The following FOXP2 variants were observed in gnomAD, a reference collection of about 807,000 sequenced individuals.
FOXP2 encodes the protein forkhead box P2, also known as forkhead box protein P2.
A neutral mutation model predicts 115.8 loss-of-function variants in FOXP2; 12 were observed. That is an observed-to-expected ratio of 0.10 (90% CI 0.07 to 0.17). The LOEUF (loss-of-function observed/expected upper bound fraction) is 0.17, where lower values mean the gene tolerates loss of function less well. Ranked by LOEUF, FOXP2 falls within the 10% of genes least tolerant of loss-of-function variation. FOXP2 has a pLI of 1.00. For missense variants in FOXP2, 629 were observed against 843.5 expected, an observed-to-expected ratio of 0.75 and a Z score of 3.15; for synonymous variants, 328 against 297.7, an observed-to-expected ratio of 1.10 and a Z score of -1.05.
intron 16 of FOXP2, among the ~76,000 whole-genome samples, chr7:114,680,370 G>A (rs1253029096): frequency 6.6e-6 from 1 of 152,092 alleles, no homozygotes; most frequent in East Asian, 1.9e-4. Context: ...TTCATTATTT[G>A]CCAAATGGGT....
chr7:114,477,494 C>T (rs935968190), intron 2 of FOXP2, among the ~76,000 whole-genome samples: 2 of 151,728 alleles, frequency 1.3e-5, no homozygotes, highest in Non-Finnish European at 2.9e-5. Flanking sequence ...ACTACTAGAG[C>T]GAGAAGGGAG....
intron 1 of FOXP2, among the ~76,000 whole-genome samples, chr7:114,165,052 G>C (rs192835581): frequency 6.6e-6 from 1 of 152,080 alleles, no homozygotes; most frequent in Non-Finnish European, 1.5e-5. Flanking sequence ...AACAAAATTG[G>C]AATAATGGTT....
At chr7:114,473,696 G>A (rs1796142522) in intron 2 of FOXP2, among the ~76,000 whole-genome samples, 1 of 152,000 alleles carries the variant, frequency 6.6e-6, no homozygotes, top group African/African-American at 2.4e-5. Context: ...ACCATACCAT[G>A]GTAGCATCTG....
intron 1 of FOXP2, among the ~76,000 whole-genome samples, chr7:114,229,389 T>C (rs1794817499): frequency 6.6e-6 from 1 of 151,624 alleles, no homozygotes; most frequent in Non-Finnish European, 1.5e-5. Flanking sequence ...AAAAGAGGAC[T>C]TGAACCGCAC....
intron 1 of FOXP2, among the ~76,000 whole-genome samples, chr7:114,102,306 C>T (rs188445286): frequency 6.6e-6 from 1 of 151,754 alleles, no homozygotes; most frequent in East Asian, 1.9e-4. Context: ...GTGTCCCAAA[C>T]CATTATTGAT....
chr7:114,445,238 C>A (rs147165423), intron 2 of FOXP2, among the ~76,000 whole-genome samples: 65 of 152,178 alleles, frequency 4.3e-4, no homozygotes, highest in South Asian at 1.2e-3. Flanking sequence ...CTAAGGCAAG[C>A]CCTTGTCATT....
chr7:114,170,195 T>C (rs778673242), intron 1 of FOXP2, among the ~76,000 whole-genome samples: 1 of 152,232 alleles, frequency 6.6e-6, no homozygotes, highest in East Asian at 1.9e-4. Context: ...ATCATTGATG[T>C]TACTATTATA....
intron 2 of FOXP2, among the ~76,000 whole-genome samples, chr7:114,481,762 CTCTA>C (rs3028214): frequency 0.31 from 44,315 of 145,206 alleles, 6,790 homozygotes; most frequent in East Asian, 0.42. Context: ...CATATGGAAA[CTCTA>C]TCTATCTATC....
intron 2 of FOXP2, chr7:114,297,032 T>A (rs1584616817): frequency 3.4e-6 from 1 of 291,102 alleles, no homozygotes; most frequent in East Asian, 9.5e-5. Flanking sequence ...ATGCTTACTT[T>A]TTAGTTATAT....
At chr7:114,650,722 A>G (rs1350178604) in intron 8 of FOXP2, among the ~76,000 whole-genome samples, 1 of 151,940 alleles carries the variant, frequency 6.6e-6, no homozygotes, top group African/African-American at 2.4e-5. Context: ...TAGAGAGCAG[A>G]CAGGTATAGT....
At chr7:114,465,621 C>A (rs1269759584) in intron 2 of FOXP2, among the ~76,000 whole-genome samples, 1 of 152,156 alleles carries the variant, frequency 6.6e-6, no homozygotes, top group Non-Finnish European at 1.5e-5. Flanking sequence ...TTTTAGGATT[C>A]TAGCAGACTT....
At chr7:114,386,655 A>G (rs2129193193) in intron 2 of FOXP2, among the ~76,000 whole-genome samples, 1 of 152,316 alleles carries the variant, frequency 6.6e-6, no homozygotes, top group African/African-American at 2.4e-5. Context: ...ATGCACAGGG[A>G]AAATATTGGA....
At chr7:114,395,785 G>T (rs1287808690) in intron 2 of FOXP2, among the ~76,000 whole-genome samples, 1 of 151,770 alleles carries the variant, frequency 6.6e-6, no homozygotes. Flanking sequence ...CACTCATGTT[G>T]TTGCAAATGA....
intron 1 of FOXP2, among the ~76,000 whole-genome samples, chr7:114,140,296 A>G (rs533797723): frequency 2.6e-5 from 4 of 152,262 alleles, no homozygotes; most frequent in African/African-American, 4.8e-5. Flanking sequence ...TTATATTTAC[A>G]TAATTGCAAT....
chr7:114,231,635 G>A (rs755921865), intron 1 of FOXP2, among the ~76,000 whole-genome samples: 1 of 152,202 alleles, frequency 6.6e-6, no homozygotes, highest in Non-Finnish European at 1.5e-5. Flanking sequence ...GACAGTTTGT[G>A]TGATGAATGG....
At chr7:114,547,532 C>T (rs994241306) in intron 3 of FOXP2, among the ~76,000 whole-genome samples, 1 of 152,036 alleles carries the variant, frequency 6.6e-6, no homozygotes, top group African/African-American at 2.4e-5. Flanking sequence ...CCGAGGCGGG[C>T]GGGTCACGAG....
At position 114,221,820 on chromosome 7, in the gene FOXP2, C is replaced by A. The variant is rs1257580116; in HGVS notation, c.-102+58732C>A. Among the ~76,000 whole-genome samples, 5 of 152,130 alleles carry A rather than the reference C, an allele frequency of 3.3e-5. No homozygotes were observed. In the East Asian group the frequency reaches 9.6e-4, roughly 29 times the overall value. On this transcript the variant is annotated intron_variant, in intron 1 of 17. Transcript: ENST00000634411. Reference sequence around the variant, plus strand: ...AGGCTCTAAGACTTCTAGCCTTAAGCTCTATTGATAGAACTCTAGCCACAA... The same window carrying A: ...AGGCTCTAAGACTTCTAGCCTTAAGATCTATTGATAGAACTCTAGCCACAA...
At chr7:114,108,161 T>C (rs1791171525) in intron 1 of FOXP2, among the ~76,000 whole-genome samples, 1 of 151,990 alleles carries the variant, frequency 6.6e-6, no homozygotes, top group African/African-American at 2.4e-5. Context: ...AATATAAGTT[T>C]AGCACTGTAA....
At chr7:114,364,809 T>A (rs1332208050) in intron 2 of FOXP2, among the ~76,000 whole-genome samples, 1 of 152,152 alleles carries the variant, frequency 6.6e-6, no homozygotes, top group Non-Finnish European at 1.5e-5. Flanking sequence ...TGAAAAAATG[T>A]TAAATCAAGC....
Sources: allele counts gnomAD v4.1 joint callset (sites outside exome capture counted in the v4.1 genomes callset), GRCh38; gene constraint gnomAD v4.1.1; transcripts MANE v1.5; gene names NCBI Gene and HGNC (gene_info 2026-07-23, HGNC 2026-07-21).